The following PCDH15 variants were observed in gnomAD, a reference collection of about 807,000 sequenced individuals.
PCDH15 encodes the protein protocadherin related 15, also known as protocadherin-15.
PCDH15 carries 129 observed loss-of-function variants against 178.5 expected under a neutral mutation model. That is an observed-to-expected ratio of 0.72 (90% CI 0.63 to 0.84). The LOEUF is 0.84. Among genes scored for constraint, PCDH15 ranks in the 40% least tolerant of loss-of-function variants. The pLI, the probability that PCDH15 is intolerant of heterozygous loss-of-function variation, is 0.00. For missense variants in PCDH15, 2,230 were observed against 2,099.9 expected (o/e 1.06, Z -1.21); for synonymous variants, 800 against 732.0 (o/e 1.09, Z -1.50).
At chr10:53,916,850 C>T (rs916280663) in intron 25 of PCDH15, among the ~76,000 whole-genome samples, 1 of 151,972 alleles carries the variant, frequency 6.6e-6, no homozygotes, top group African/African-American at 2.4e-5. Context: ...TACATGGTAG[C>T]TTTACTATTT....
chr10:54,971,384 T>C (rs1221522724), intron 2 of PCDH15, among the ~76,000 whole-genome samples: 1 of 152,076 alleles, frequency 6.6e-6, no homozygotes, highest in Non-Finnish European at 1.5e-5. Context: ...TGCAGGGACA[T>C]GTCAAAAAAA....
rs562086455 is a variant in PCDH15, at chr10:53,948,952, T to C, written c.3123-7977A>G. Reference sequence around the variant, plus strand: ...ACTGTATGTTTTACTTGGATCAAAATTTCCCATAGATACAATACAATGAAA... The same window carrying C: ...ACTGTATGTTTTACTTGGATCAAAACTTCCCATAGATACAATACAATGAAA... On this transcript the variant is annotated intron_variant, in intron 23 of 37. Coordinates refer to ENST00000644397, the MANE Select transcript of PCDH15 (RefSeq NM_001384140.1). Among the ~76,000 whole-genome samples, 69 of 152,320 alleles carry C rather than the reference T, an allele frequency of 4.5e-4. 1 individual carries two copies. The South Asian group carries it at 0.014, about 30-fold the overall frequency.
chr10:54,054,147 T>G (rs1417923456), intron 18 of PCDH15, among the ~76,000 whole-genome samples: 1 of 152,104 alleles, frequency 6.6e-6, no homozygotes, highest in Non-Finnish European at 1.5e-5. Flanking sequence ...TTTCTGGAAA[T>G]TCAAGTGGAT....
chr10:54,683,082 G>A (rs1174551915), intron 1 of PCDH15, among the ~76,000 whole-genome samples: 1 of 152,014 alleles, frequency 6.6e-6, no homozygotes, highest in African/African-American at 2.4e-5. Context: ...AAAATTCTGA[G>A]ATATTATAAG....
intron 1 of PCDH15, among the ~76,000 whole-genome samples, chr10:54,677,361 C>A (rs139531392): frequency 3.1e-3 from 476 of 152,138 alleles, no homozygotes; most frequent in African/African-American, 0.011. Context: ...AGATTGAGAG[C>A]CCAAAAACAA....
chr10:54,788,840 G>T (rs190056394), intron 1 of PCDH15, among the ~76,000 whole-genome samples: 1 of 151,832 alleles, frequency 6.6e-6, no homozygotes, highest in Non-Finnish European at 1.5e-5. Flanking sequence ...TAAGATTGCA[G>T]TAGAGAAAGT....
At chr10:55,440,566 CAGAAA>C (rs1839159304) in intron 2 of PCDH15, among the ~76,000 whole-genome samples, 1 of 152,036 alleles carries the variant, frequency 6.6e-6, no homozygotes, top group African/African-American at 2.4e-5. Context: ...TATCTAAATT[CAGAAA>C]AGAAGTCAGA....
chr10:54,902,172 G>A (rs374023136), intron 2 of PCDH15, among the ~76,000 whole-genome samples: 1 of 152,022 alleles, frequency 6.6e-6, no homozygotes, highest in African/African-American at 2.4e-5. Flanking sequence ...TAAGTTGTTG[G>A]ACTTAATCAA....
chr10:54,862,218 CA>C (rs2131781592), intron 3 of PCDH15, among the ~76,000 whole-genome samples: 2 of 152,180 alleles, frequency 1.3e-5, no homozygotes, highest in South Asian at 4.1e-4. Context: ...AGTAAAAATG[CA>C]ATCTCTTTAC....
chr10:54,630,210 C>T (rs1018629501), intron 2 of PCDH15, among the ~76,000 whole-genome samples: 13 of 152,058 alleles, frequency 8.5e-5, no homozygotes, highest in African/African-American at 3.1e-4. Context: ...ATAGCTAAAG[C>T]AATACTAAGT....
At chr10:55,448,658 G>A (rs1839369559) in intron 2 of PCDH15, among the ~76,000 whole-genome samples, 1 of 151,932 alleles carries the variant, frequency 6.6e-6, no homozygotes, top group Non-Finnish European at 1.5e-5. Flanking sequence ...CTCAGTTTCT[G>A]TCTGATGCAA....
intron 3 of PCDH15, among the ~76,000 whole-genome samples, chr10:54,434,332 T>C (rs1030499048): frequency 8.5e-5 from 13 of 152,202 alleles, no homozygotes; most frequent in Admixed American, 8.5e-4. Context: ...GCCTTCACAT[T>C]TAGTCACTTC....
At chr10:55,457,830 T>C (rs909162554) in intron 2 of PCDH15, among the ~76,000 whole-genome samples, 1 of 152,064 alleles carries the variant, frequency 6.6e-6, no homozygotes, top group Non-Finnish European at 1.5e-5. Context: ...TAAAATTGTA[T>C]TTGCAGTCTA....
chr10:54,414,241 T>C lies in PCDH15; in HGVS notation c.158-35299A>G, dbSNP rs148990041. ...CTTGAATCAAATGAAAGACATATCA[T>C]TATCTTGAATGAGAAGATTGAATAT... On this transcript the variant is annotated intron_variant, in intron 3 of 37. Transcript: ENST00000644397. Among the ~76,000 whole-genome samples, 188 of 152,242 alleles carry C rather than the reference T, an allele frequency of 1.2e-3. 1 individual carries two copies. Among genetic ancestry groups the C allele is most frequent in the African/African-American group, 4.4e-3 (182 of 41,564 alleles).
rs1015125039 is a variant in PCDH15 at position 53,937,679 on chromosome 10, T to C, written c.3373+1136A>G. On this transcript the variant is annotated intron_variant, in intron 25 of 37. Transcript: ENST00000644397. ...CTCTACACTGAATCAGTAAATGAGG[T>C]TCACGATAAATGAAAAGGAGTGATT... Among the ~76,000 whole-genome samples the C allele has an allele frequency of 3.9e-5, 6 of 152,240 alleles. No individual in the cohort carries two copies. In the East Asian group the frequency reaches 1.2e-3, roughly 29 times the overall value.
At chr10:54,047,816 T>C (rs142073841) in intron 18 of PCDH15, among the ~76,000 whole-genome samples, 2 of 152,274 alleles carry the variant, frequency 1.3e-5, no homozygotes, top group African/African-American at 4.8e-5. Flanking sequence ...AAATCCACCA[T>C]TGTTGGGCAT....
chr10:54,945,182 A>T (rs1451432653), intron 2 of PCDH15, among the ~76,000 whole-genome samples: 1 of 151,876 alleles, frequency 6.6e-6, no homozygotes, highest in Non-Finnish European at 1.5e-5. Context: ...GATATTTTAC[A>T]ATAACAGTGA....
At chr10:55,469,154 G>A (rs1211139725) in intron 2 of PCDH15, 2 of 152,060 alleles carry the variant, frequency 1.3e-5, no homozygotes, top group African/African-American at 4.8e-5. Flanking sequence ...GAAATCCAAG[G>A]ACAGAAGAAG....
intron 3 of PCDH15, among the ~76,000 whole-genome samples, chr10:54,881,312 C>T (rs1172822001): frequency 6.6e-6 from 1 of 152,094 alleles, no homozygotes; most frequent in Non-Finnish European, 1.5e-5. Flanking sequence ...TAAGGAAATG[C>T]TTTTGCCTCT....
Sources: allele counts gnomAD v4.1 joint callset (sites outside exome capture counted in the v4.1 genomes callset), GRCh38; gene constraint gnomAD v4.1.1; transcripts MANE v1.5; gene names NCBI Gene and HGNC (gene_info 2026-07-23, HGNC 2026-07-21).